PARVA: variants seen among roughly 807,000 people sequenced by gnomAD.
PARVA encodes alpha-parvin.
Under a neutral mutation model 52.6 loss-of-function variants are expected in PARVA, and 25 were observed. The observed-to-expected ratio is 0.48, with a 90% confidence interval of 0.35 to 0.66. PARVA has a LOEUF of 0.66. Among genes scored for constraint, PARVA ranks in the 30% least tolerant of loss-of-function variants. The pLI is 0.01. For synonymous variants in PARVA, 185 were observed against 179.1 expected, an observed-to-expected ratio of 1.03 and a Z score of -0.26; for missense variants, 373 against 450.9, an observed-to-expected ratio of 0.83 and a Z score of 1.56.
chr11:12,504,073 C>T (rs897973819), intron 5 of PARVA, among the ~76,000 whole-genome samples: 2 of 152,146 alleles, frequency 1.3e-5, no homozygotes, highest in South Asian at 2.1e-4. Context: ...TGTGAGAGCT[C>T]GAGTGTACTT....
At chr11:12,479,707 G>A (rs1258045302) in intron 4 of PARVA, 1 of 152,192 alleles carries the variant, frequency 6.6e-6, no homozygotes, top group Non-Finnish European at 1.5e-5. Flanking sequence ...TTGCACATAT[G>A]TGCATATATG....
intron 1 of PARVA, among the ~76,000 whole-genome samples, chr11:12,437,917 T>G (rs1213579677): frequency 1.3e-5 from 2 of 152,170 alleles, no homozygotes; most frequent in African/African-American, 4.8e-5. Flanking sequence ...CAGATGTACT[T>G]CCAACCTTGT....
At chr11:12,408,350 C>T (rs918682012) in intron 1 of PARVA, among the ~76,000 whole-genome samples, 10 of 152,204 alleles carry the variant, frequency 6.6e-5, no homozygotes, top group African/African-American at 2.4e-4. Flanking sequence ...CTGTTCTCAG[C>T]CCTCTCGGTT....
rs1406786959 is a variant in PARVA at position 12,440,338 on chromosome 11, G to A, written c.137-33407G>A. ...GAAGCCGGTCAAGATCAAAAGAGAA[G>A]CTAAGGGGGAGAGTCCAGGTGGCCG... is the stretch of plus-strand genomic sequence containing the variant. On this transcript the variant is annotated intron_variant, in intron 1 of 12. Transcript: ENST00000334956. Among the ~76,000 whole-genome samples the A allele has an allele frequency of 2.6e-5, 4 of 152,184 alleles. No homozygotes were observed. In the East Asian group the frequency reaches 7.7e-4, roughly 29 times the overall value.
At chr11:12,491,836 C>T (rs1441668355) in intron 4 of PARVA, among the ~76,000 whole-genome samples, 1 of 152,066 alleles carries the variant, frequency 6.6e-6, no homozygotes, top group African/African-American at 2.4e-5. Flanking sequence ...AGTTAATCAG[C>T]TCTAACTAAT....
At chr11:12,450,471 T>C (rs1197923265) in intron 1 of PARVA, among the ~76,000 whole-genome samples, 1 of 152,188 alleles carries the variant, frequency 6.6e-6, no homozygotes, top group African/African-American at 2.4e-5. Flanking sequence ...CTACATATGC[T>C]AAGTGATTAA....
At chr11:12,514,730 C>G (rs986367970) in intron 10 of PARVA, among the ~76,000 whole-genome samples, 1 of 152,226 alleles carries the variant, frequency 6.6e-6, no homozygotes, top group African/African-American at 2.4e-5. Flanking sequence ...AGGTGATCCA[C>G]CCACCTTGGC....
rs1470700011 is a variant in PARVA at position 12,530,725 on chromosome 11, A to ACCAC, written c.*2800_*2801insCCAC. ...TATACTGTCATACACTTTGTTTTTT[A>ACCAC]TCACTTAATGTTATATCTTGGATAT... On this transcript the variant is annotated 3_prime_UTR_variant, in exon 13 of 13. Transcript: ENST00000334956. 1 of 87,142 alleles carries ACCAC rather than the reference A, an allele frequency of 1.1e-5. No homozygotes were observed. Among genetic ancestry groups the ACCAC allele is most frequent in the Admixed American group, 1.2e-4 (1 of 8,104 alleles). 5.4% of individuals were successfully genotyped at this position (87,142 alleles called of 1,614,324 possible).
intron 1 of PARVA, among the ~76,000 whole-genome samples, chr11:12,434,316 A>G (rs772043058): frequency 1.3e-5 from 2 of 152,190 alleles, no homozygotes; most frequent in Non-Finnish European, 2.9e-5. Context: ...GTGTGGATAA[A>G]TTCTGCATTC....
chr11:12,379,965 C>T (rs1939461795), intron 1 of PARVA, among the ~76,000 whole-genome samples: 2 of 152,174 alleles, frequency 1.3e-5, no homozygotes, highest in Non-Finnish European at 2.9e-5. Context: ...GGATAACCAT[C>T]TTTACCTACT....
intron 1 of PARVA, among the ~76,000 whole-genome samples, chr11:12,401,487 A>C (rs1939827599): frequency 6.6e-6 from 1 of 152,228 alleles, no homozygotes; most frequent in South Asian, 2.1e-4. Context: ...CCTCTTGCAC[A>C]GTACCATTCT....
intron 1 of PARVA, among the ~76,000 whole-genome samples, chr11:12,383,123 T>C (rs1247451676): frequency 6.6e-6 from 1 of 152,228 alleles, no homozygotes; most frequent in Non-Finnish European, 1.5e-5. Flanking sequence ...GCACTTTATC[T>C]GGGCCCCTTC....
intron 1 of PARVA, among the ~76,000 whole-genome samples, chr11:12,439,359 C>A (rs1462441231): frequency 2.6e-5 from 4 of 152,240 alleles, no homozygotes; most frequent in Non-Finnish European, 5.9e-5. Flanking sequence ...ACTGTCCCTT[C>A]ATTTGCCACT....
At chr11:12,514,320 C>T (rs1941542689) in intron 10 of PARVA, among the ~76,000 whole-genome samples, 1 of 152,252 alleles carries the variant, frequency 6.6e-6, no homozygotes, top group African/African-American at 2.4e-5. Flanking sequence ...ACACCTCTCT[C>T]TCTTTCTCTG....
At chr11:12,513,252 C>T in intron 8 of PARVA, 47 bp from the exon 9 acceptor site, 2 of 1,581,456 alleles carry the variant, frequency 1.3e-6, no homozygotes, top group Non-Finnish European at 1.7e-6. Context: ...GGCTTCCCTG[C>T]CAGGGATCAG....
At chr11:12,405,395 A>T (rs1939888184) in intron 1 of PARVA, among the ~76,000 whole-genome samples, 1 of 152,156 alleles carries the variant, frequency 6.6e-6, no homozygotes, top group South Asian at 2.1e-4. Context: ...AAAGTTTAGA[A>T]AAATATATTA....
intron 10 of PARVA, among the ~76,000 whole-genome samples, chr11:12,516,119 A>G (rs771383587): frequency 6.6e-6 from 1 of 152,240 alleles, no homozygotes; most frequent in Non-Finnish European, 1.5e-5. Flanking sequence ...GATTACAGGC[A>G]TGAGCCACCG....
chr11:12,453,264 G>A (rs1193571344), intron 1 of PARVA, among the ~76,000 whole-genome samples: 1 of 152,116 alleles, frequency 6.6e-6, no homozygotes, highest in Non-Finnish European at 1.5e-5. Flanking sequence ...AGATAGGAGG[G>A]AAGGGGTGAA....
At chr11:12,474,094 A>G in intron 3 of PARVA, 111 bp downstream of exon 3, 1 of 828,136 alleles carries the variant, frequency 1.2e-6, no homozygotes. Context: ...GTAAAAAGTC[A>G]TGGCAGCCCC....
Sources: gnomAD v4.1 joint callset for allele counts (sites outside exome capture counted in the v4.1 genomes callset) on GRCh38, gnomAD v4.1.1 for gene constraint, MANE v1.5 for transcripts, NCBI Gene and HGNC (gene_info 2026-07-23, HGNC 2026-07-21) for gene names.